The following BRMS1L variants were observed in gnomAD, a reference collection of about 807,000 sequenced individuals.
BRMS1L encodes breast cancer metastasis-suppressor 1-like protein.
Under a neutral mutation model 50.3 loss-of-function variants are expected in BRMS1L, and 23 were observed. The ratio of observed to expected loss-of-function variants is 0.46; its 90% CI spans 0.33 to 0.65. The LOEUF is 0.65. Among genes scored for constraint, BRMS1L ranks in the 30% least tolerant of loss-of-function variants. The pLI, the probability that BRMS1L is intolerant of heterozygous loss-of-function variation, is 0.02. For missense variants in BRMS1L, 286 were observed against 386.1 expected (o/e 0.74, Z 2.17); for synonymous variants, 114 against 126.9 (o/e 0.90, Z 0.69).
chr14:35,827,212 T>C (rs1202252720), intron 1 of BRMS1L, among the ~76,000 whole-genome samples: 2 of 152,220 alleles, frequency 1.3e-5, no homozygotes. Flanking sequence ...TTCGGGCTCA[T>C]TTTGGATCTT....
Position 35,870,593 on chromosome 14 carries a change from G to A in BRMS1L, c.*116G>A. 1 of 625,388 alleles carries A rather than the reference G, an allele frequency of 1.6e-6. No homozygotes were observed. Among genetic ancestry groups the A allele is most frequent in the Non-Finnish European group, 2.9e-6 (1 of 348,412 alleles). The allele number at this position is 625,388 out of a possible 1,614,324, so 38.7% of individuals were successfully genotyped here. Reference sequence around the variant, plus strand: ...TTCTCACTGAATCATGAGAGAATGTGTATTTGTAGGTAGTACTCTAAATAG... The same window carrying A: ...TTCTCACTGAATCATGAGAGAATGTATATTTGTAGGTAGTACTCTAAATAG... On this transcript the variant is annotated 3_prime_UTR_variant, in exon 10 of 10. Transcript: ENST00000216807.
intron 9 of BRMS1L, among the ~76,000 whole-genome samples, chr14:35,868,414 G>C (rs1271618924): frequency 1.3e-5 from 2 of 152,068 alleles, no homozygotes; most frequent in East Asian, 3.8e-4. Flanking sequence ...CAATATTTTA[G>C]ATAAAAAGAA....
chr14:35,865,875 A>T, intron 8 of BRMS1L, 114 bp downstream of exon 8: 1 of 915,260 alleles, frequency 1.1e-6, no homozygotes. Context: ...ATCAGTGAAC[A>T]CCGTGCCTGA....
At chr14:35,857,254 T>C (rs76252448) in intron 4 of BRMS1L, among the ~76,000 whole-genome samples, 1 of 146,018 alleles carries the variant, frequency 6.8e-6, no homozygotes. Flanking sequence ...AAAAAAAATA[T>C]ATATATATAT....
chr14:35,835,204 A>G lies in BRMS1L; in HGVS notation c.441+281A>G, dbSNP rs371215575. Among the ~76,000 whole-genome samples the G allele has an allele frequency of 7.2e-5, 11 of 152,302 alleles. No individual in the cohort carries two copies. The South Asian group carries it at 1.4e-3, about 20-fold the overall frequency. ...CGATTATGTCACCTGGCATTACTGA[A>G]AATATTAGTATAATTAGTATAATGT... On this transcript the variant is annotated intron_variant, in intron 4 of 9. Coordinates refer to ENST00000216807, the MANE Select transcript of BRMS1L (RefSeq NM_032352.4).
At chr14:35,827,089 A>G (rs898811306) in intron 1 of BRMS1L, among the ~76,000 whole-genome samples, 38 of 152,186 alleles carry the variant, frequency 2.5e-4, no homozygotes, top group Admixed American at 1.3e-4. Context: ...TCAGTTTGCA[A>G]GTCAACTTGC....
intron 4 of BRMS1L, among the ~76,000 whole-genome samples, chr14:35,844,174 C>A (rs1158717917): frequency 6.6e-6 from 1 of 152,134 alleles, no homozygotes; most frequent in Non-Finnish European, 1.5e-5. Flanking sequence ...ATGGCTTCAG[C>A]CTCTTTTCGA....
At chr14:35,826,778 G>A (rs1207403804) in intron 1 of BRMS1L, 120 bp downstream of exon 1, 1 of 1,411,184 alleles carries the variant, frequency 7.1e-7, no homozygotes, top group African/African-American at 1.4e-5. Context: ...GGAAGGGGCG[G>A]AGACTGGCTC....
rs368549932 is a variant in BRMS1L, at chr14:35,863,996, G to A, written c.622+43G>A. 1.2e-5 allele frequency: 18 copies of A among 1,503,994 alleles called. No individual in the cohort carries two copies. In the African/African-American group the frequency reaches 1.5e-4, roughly 13 times the overall value. The allele number at this position is 1,503,994 out of a possible 1,614,324, so 93.2% of individuals were successfully genotyped here. A position where few individuals can be genotyped will look rare whatever the true frequency, so the allele number is the denominator to read the frequency against. ...TTCTGTTTTTTTTTCCTTGATGTGC[G>A]TTTTTCCATTGTGCATGCCTTTATA... On this transcript the variant is annotated intron_variant, in intron 6 of 9. Transcript: ENST00000216807.
chr14:35,830,142 T>C (rs759361101), intron 1 of BRMS1L, among the ~76,000 whole-genome samples: 14 of 152,232 alleles, frequency 9.2e-5, no homozygotes, highest in Non-Finnish European at 1.5e-4. Context: ...CGATCTTGGC[T>C]CACCACAACC....
intron 4 of BRMS1L, among the ~76,000 whole-genome samples, chr14:35,861,675 C>T (rs2142061086): frequency 6.6e-6 from 1 of 152,268 alleles, no homozygotes; most frequent in East Asian, 1.9e-4. Flanking sequence ...ACCCTTCAAG[C>T]ATGTATAATT....
chr14:35,835,046 T>A (rs2077972907), intron 4 of BRMS1L, 123 bp downstream of exon 4: 1 of 520,138 alleles, frequency 1.9e-6, no homozygotes, highest in South Asian at 9.0e-5. Flanking sequence ...ATCATTTGTG[T>A]GTGATTAAAA....
At chr14:35,831,574 T>A in intron 2 of BRMS1L, 74 bp downstream of exon 2, 1 of 1,067,736 alleles carries the variant, frequency 9.4e-7, no homozygotes, top group Non-Finnish European at 1.4e-6. Context: ...CAAGAGCAAC[T>A]AGATTCAGTC....
chr14:35,864,009 G>A, intron 6 of BRMS1L, 56 bp downstream of exon 6: 1 of 1,328,196 alleles, frequency 7.5e-7, no homozygotes, highest in Non-Finnish European at 1.1e-6. Context: ...TTTCCATTGT[G>A]CATGCCTTTA....
Position 35,835,603 on chromosome 14 carries a change from G to A in BRMS1L, c.441+680G>A, listed in dbSNP as rs868318075. ...CACACCTGTAATCCCAAGAGTTTAG[G>A]AGGCTGAGGCGAGAGGATTTCTTGA... On this transcript the variant is annotated intron_variant, in intron 4 of 9. Transcript: ENST00000216807. Among the ~76,000 whole-genome samples, 53 of 152,298 alleles carry A rather than the reference G, an allele frequency of 3.5e-4. 1 individual carries two copies. The Middle Eastern group carries it at 0.014, about 39-fold the overall frequency.
chr14:35,854,259 A>T (rs2078251297), intron 4 of BRMS1L, among the ~76,000 whole-genome samples: 1 of 152,090 alleles, frequency 6.6e-6, no homozygotes, highest in South Asian at 2.1e-4. Context: ...TGGTAAACTC[A>T]GTTTTTATTC....
intron 1 of BRMS1L, among the ~76,000 whole-genome samples, chr14:35,830,707 A>G (rs916287064): frequency 2.0e-5 from 3 of 152,148 alleles, no homozygotes; most frequent in African/African-American, 4.8e-5. Flanking sequence ...AGCAGTTCTG[A>G]AAGAAGAATC....
intron 1 of BRMS1L, among the ~76,000 whole-genome samples, chr14:35,830,450 C>G (rs1262972209): frequency 6.6e-6 from 1 of 152,152 alleles, no homozygotes; most frequent in African/African-American, 2.4e-5. Flanking sequence ...CTCTGCCTAT[C>G]AAGTTCAAAC....
intron 1 of BRMS1L, among the ~76,000 whole-genome samples, chr14:35,828,288 T>A (rs1007140744): frequency 6.6e-6 from 1 of 151,694 alleles, no homozygotes; most frequent in Non-Finnish European, 1.5e-5. Context: ...TTCTCCTGCC[T>A]TAGCCTCCCG....
Sources: gnomAD v4.1 joint callset for allele counts (sites outside exome capture counted in the v4.1 genomes callset) on GRCh38, gnomAD v4.1.1 for gene constraint, MANE v1.5 for transcripts, NCBI Gene and HGNC (gene_info 2026-07-23, HGNC 2026-07-21) for gene names.